The following LRBA variants were observed in gnomAD, a reference collection of about 807,000 sequenced individuals.
LRBA encodes LPS responsive beige-like anchor protein.
A neutral mutation model predicts 330.0 loss-of-function variants in LRBA; 176 were observed. The ratio of observed to expected loss-of-function variants is 0.53; its 90% CI spans 0.47 to 0.60. The LOEUF is 0.60. LRBA is among the 20% of genes least tolerant of loss of function. The probability of loss-of-function intolerance (pLI) is 0.00; values close to 1 mark genes in which losing one functional copy is unlikely to be tolerated. For missense variants in LRBA, 3,259 were observed against 3,444.8 expected, an observed-to-expected ratio of 0.95 and a Z score of 1.35; for synonymous variants, 1,230 against 1,193.0, an observed-to-expected ratio of 1.03 and a Z score of -0.64.
intron 24 of LRBA, among the ~76,000 whole-genome samples, chr4:150,850,496 A>AT (rs909043686): frequency 1.1e-4 from 17 of 152,142 alleles, no homozygotes; most frequent in African/African-American, 3.6e-4. Context: ...TCTACTACAA[A>AT]TTTTTTTAAA....
At chr4:150,787,265 C>T (rs1034624466) in intron 34 of LRBA, among the ~76,000 whole-genome samples, 2 of 151,558 alleles carry the variant, frequency 1.3e-5, no homozygotes, top group African/African-American at 4.8e-5. Flanking sequence ...CTTTAATTTA[C>T]AACCTACTTT....
At chr4:150,623,028 T>C (rs1005566960) in intron 37 of LRBA, among the ~76,000 whole-genome samples, 1 of 152,054 alleles carries the variant, frequency 6.6e-6, no homozygotes, top group African/African-American at 2.4e-5. Flanking sequence ...CTCTCTCCCC[T>C]TCCCTTACTT....
chr4:150,918,709 A>G (rs181184952), intron 5 of LRBA, among the ~76,000 whole-genome samples: 2 of 152,342 alleles, frequency 1.3e-5, no homozygotes, highest in Admixed American at 1.3e-4. Context: ...AGATCACACC[A>G]CTGCATTCCA....
At chr4:150,723,166 T>C (rs1199186869) in intron 36 of LRBA, among the ~76,000 whole-genome samples, 1 of 152,072 alleles carries the variant, frequency 6.6e-6, no homozygotes, top group Non-Finnish European at 1.5e-5. Context: ...TAGTGCTGGG[T>C]TGGGCTCAGG....
intron 40 of LRBA, among the ~76,000 whole-genome samples, chr4:150,556,839 A>G (rs1280479152): frequency 1.3e-5 from 2 of 152,230 alleles, no homozygotes; most frequent in Non-Finnish European, 2.9e-5. Flanking sequence ...TTTAATATCA[A>G]TGTGACAGCA....
Position 150,877,297 on chromosome 4 carries a change from A to C in LRBA, c.2166-4542T>G, listed in dbSNP as rs139917179. On this transcript the variant is annotated intron_variant, in intron 17 of 56. Coordinates refer to ENST00000651943, the MANE Select transcript of LRBA (RefSeq NM_001364905.1). ...AAAAGAGAGACCTATTTCACATATA[A>C]CACCACTCATAGGCTCATAGTACAG... is the stretch of plus-strand genomic sequence containing the variant. 5.8e-3 allele frequency among the ~76,000 whole-genome samples: 885 copies of C among 152,016 alleles called. 6 individuals carry two copies. The highest frequency in any genetic ancestry group is 0.02 in the African/African-American group (820 of 41,478).
intron 40 of LRBA, among the ~76,000 whole-genome samples, chr4:150,564,508 A>G (rs2152275155): frequency 6.6e-6 from 1 of 152,340 alleles, no homozygotes; most frequent in Admixed American, 6.5e-5. Context: ...CACCAAAAGC[A>G]ATGACAACAA....
rs564523458 is a variant in LRBA, at chr4:150,961,113, A to C, written c.217-32048T>G. On this transcript the variant is annotated intron_variant, in intron 2 of 56. Coordinates refer to ENST00000651943, the MANE Select transcript of LRBA (RefSeq NM_001364905.1). Reference sequence around the variant, plus strand: ...TTGCCAGTCACACCCCTCTATCCTCACCCCATATTGGCTGTGGCTGTAGAT... The same window carrying C: ...TTGCCAGTCACACCCCTCTATCCTCCCCCCATATTGGCTGTGGCTGTAGAT... 2.0e-5 allele frequency among the ~76,000 whole-genome samples: 3 copies of C among 148,876 alleles called. No homozygotes were observed. In the East Asian group the frequency reaches 5.8e-4, roughly 29 times the overall value.
chr4:150,802,054 T>A (rs907683376), intron 33 of LRBA, among the ~76,000 whole-genome samples: 3 of 124,996 alleles, frequency 2.4e-5, no homozygotes, highest in African/African-American at 5.4e-5. Flanking sequence ...AATAAATCAA[T>A]AAAATTTTTT....
intron 47 of LRBA, among the ~76,000 whole-genome samples, chr4:150,367,448 C>G (rs1332422037): frequency 6.6e-6 from 1 of 152,206 alleles, no homozygotes; most frequent in East Asian, 1.9e-4. Flanking sequence ...TTACTGCCTG[C>G]TGTTTTACAA....
In LRBA at chr4:150,377,333, T is replaced by C. The variant is rs1170071299; in HGVS notation, c.7195-27174A>G. ...GGAAGAGGCAAAAGCAAAAACACTC[T>C]GGAGAAGCAACTGTATTCGTTTATG... is the stretch of plus-strand genomic sequence containing the variant. On this transcript the variant is annotated intron_variant, in intron 47 of 56. Coordinates refer to ENST00000651943, the MANE Select transcript of LRBA (RefSeq NM_001364905.1). Among the ~76,000 whole-genome samples the C allele has an allele frequency of 3.3e-5, 5 of 152,264 alleles. No individual in the cohort carries two copies. In the East Asian group the frequency reaches 9.7e-4, roughly 29 times the overall value.
At chr4:150,721,201 AAAC>A (rs979260390) in intron 36 of LRBA, 128 of 500,222 alleles carry the variant, frequency 2.6e-4, no homozygotes, top group Admixed American at 1.4e-3. Context: ...GAGCCTCTCC[AAAC>A]AATAGAAGTA....
At chr4:150,940,915 T>C (rs1735602323) in intron 2 of LRBA, among the ~76,000 whole-genome samples, 1 of 152,006 alleles carries the variant, frequency 6.6e-6, no homozygotes, top group African/African-American at 2.4e-5. Flanking sequence ...CTCTATTTCA[T>C]AATTTATTAT....
At chr4:150,670,166 T>C (rs1358619601) in intron 37 of LRBA, among the ~76,000 whole-genome samples, 2 of 152,230 alleles carry the variant, frequency 1.3e-5, no homozygotes, top group African/African-American at 2.4e-5. Flanking sequence ...ATTCACTGAT[T>C]ATTGCCTAAA....
At chr4:150,547,532 C>T (rs1765997547) in intron 40 of LRBA, among the ~76,000 whole-genome samples, 1 of 152,118 alleles carries the variant, frequency 6.6e-6, no homozygotes, top group African/African-American at 2.4e-5. Context: ...ACCATTATCT[C>T]CTTAATTTTC....
chr4:151,014,764 C>G lies in LRBA; in HGVS notation c.-122G>C, dbSNP rs1404057621. ...CCCTCTTCCAACTTGTGGAGATACC[C>G]CAAAGCAGTTGATGTGGAAAGTCCT... On this transcript the variant is annotated 5_prime_UTR_variant, in exon 2 of 57. Transcript: ENST00000651943. The G allele has an allele frequency of 1.6e-6, 1 of 642,458 alleles. No individual in the cohort carries two copies. Among genetic ancestry groups the G allele is most frequent in the Non-Finnish European group, 2.7e-6 (1 of 370,734 alleles). 39.8% of individuals were successfully genotyped at this position (642,458 alleles called of 1,614,324 possible).
At chr4:150,685,317 T>C (rs530166761) in intron 36 of LRBA, among the ~76,000 whole-genome samples, 1 of 139,470 alleles carries the variant, frequency 7.2e-6, no homozygotes, top group Admixed American at 7.4e-5. Context: ...AAAAAATTGG[T>C]TTTTTTTGTT....
chr4:150,952,928 T>C (rs1737011121), intron 2 of LRBA, among the ~76,000 whole-genome samples: 1 of 152,150 alleles, frequency 6.6e-6, no homozygotes, highest in Non-Finnish European at 1.5e-5. Flanking sequence ...TTTGCTTCCT[T>C]TCCTCTTCTG....
chr4:150,422,650 A>C, intron 46 of LRBA: 1 of 632,326 alleles, frequency 1.6e-6, no homozygotes, highest in Non-Finnish European at 2.9e-6. Flanking sequence ...GTTCCTTAGA[A>C]GAACTGGCAC....
Sources: allele counts gnomAD v4.1 joint callset (sites outside exome capture counted in the v4.1 genomes callset), GRCh38; gene constraint gnomAD v4.1.1; transcripts MANE v1.5; gene names NCBI Gene and HGNC (gene_info 2026-07-23, HGNC 2026-07-21).